Variants in UNK observed in about 807,000 individuals in gnomAD.
UNK encodes unk zinc finger.
UNK carries 32 observed loss-of-function variants against 97.6 expected under a neutral mutation model. The observed-to-expected ratio is 0.33, with a 90% CI of 0.25 to 0.44. The LOEUF (loss-of-function observed/expected upper bound fraction) is 0.44, where lower values mean the gene tolerates loss of function less well. Among genes scored for constraint, UNK ranks in the 20% least tolerant of loss-of-function variants. The pLI is 1.00. For synonymous variants in UNK, 441 were observed against 461.2 expected, an observed-to-expected ratio of 0.96 and a Z score of 0.56; for missense variants, 771 against 1,098.4, an observed-to-expected ratio of 0.70 and a Z score of 4.21.
intron 5 of UNK, 25 bp downstream of exon 5, chr17:75,813,238 C>T: frequency 6.4e-7 from 1 of 1,559,582 alleles, no homozygotes; most frequent in Non-Finnish European, 8.7e-7. Context: ...GGAGGCCAGC[C>T]ACGGGAGGGA....
rs895766729 is a variant in UNK, at chr17:75,794,004, G to A, written c.104+9020G>A. On this transcript the variant is annotated intron_variant, in intron 1 of 15. Transcript: ENST00000589666. ...CTGATGTCACTTTTACTGTTAAGAG[G>A]TGCCAGGCATCTGGTGACCTGTCAC... The A allele has an allele frequency of 7.1e-6, 7 of 985,150 alleles. No homozygotes were observed. The African/African-American group carries it at 1.2e-4, about 17-fold the overall frequency. The allele number at this position is 985,150 out of a possible 1,614,324, so 61.0% of individuals were successfully genotyped here.
chr17:75,801,913 G>T (rs1024646679), intron 1 of UNK, among the ~76,000 whole-genome samples: 10 of 150,744 alleles, frequency 6.6e-5, no homozygotes, highest in Non-Finnish European at 1.5e-4. Flanking sequence ...ACAGTGGTGC[G>T]CTCAGCTCAT....
rs1295899293 is a variant in UNK, at chr17:75,817,965, AG to A, written c.1306-133del. ...AGGGAGTAGGGGGTGGGGAGGAAGAAGGGGGTGTGTGCATGCATGTGAAGAG... is the reference window on the plus strand; with the variant it reads ...AGGGAGTAGGGGGTGGGGAGGAAGAAGGGGTGTGTGCATGCATGTGAAGAG... On this transcript the variant is annotated intron_variant, in intron 9 of 15. Coordinates refer to ENST00000589666, the MANE Select transcript of UNK (RefSeq NM_001080419.3). This position sits in a 1 kb window ranked among gnomAD's most constrained non-coding sequence, Gnocchi z 5.8. 2 of 782,806 alleles carry A rather than the reference AG, an allele frequency of 2.6e-6. No homozygotes were observed. Among genetic ancestry groups the A allele is most frequent in the African/African-American group, 1.7e-5 (1 of 58,478 alleles). 48.5% of individuals were successfully genotyped at this position (782,806 alleles called of 1,614,324 possible). A position where few individuals can be genotyped will look rare whatever the true frequency, so the allele number is the denominator to read the frequency against.
At position 75,809,365 on chromosome 17, in the gene UNK, G is replaced by C. The variant is rs1005336750; in HGVS notation, c.105-395G>C. Among the ~76,000 whole-genome samples the C allele has an allele frequency of 3.3e-5, 5 of 152,358 alleles. No individual in the cohort carries two copies. In the Middle Eastern group the frequency reaches 0.01, roughly 311 times the overall value. ...CCTGCAACAACAGGCAGGTGGACCT[G>C]GGTAGCAGAGGCCTGTAGAGTTTGG... On this transcript the variant is annotated intron_variant, in intron 1 of 15. Transcript: ENST00000589666.
At position 75,819,024 on chromosome 17, in the gene UNK, G is replaced by A. The variant is rs2062042235; in HGVS notation, c.1546+208G>A. ...GGACTGACCCTTAGAGCTCCTTTGT[G>A]CAAATTAGAAAGAGGTGCCTTTTCC... On this transcript the variant is annotated intron_variant, in intron 11 of 15. Coordinates refer to ENST00000589666, the MANE Select transcript of UNK (RefSeq NM_001080419.3). This position sits in a 1 kb window ranked among gnomAD's most constrained non-coding sequence, Gnocchi z 5.4. 1 of 533,132 alleles carries A rather than the reference G, an allele frequency of 1.9e-6. No individual in the cohort carries two copies. Among genetic ancestry groups the A allele is most frequent in the South Asian group, 3.6e-5 (1 of 27,914 alleles). 33.0% of individuals were successfully genotyped at this position (533,132 alleles called of 1,614,324 possible). A position where few individuals can be genotyped will look rare whatever the true frequency, so the allele number is the denominator to read the frequency against.
At chr17:75,806,760 G>T (rs756948173) in intron 1 of UNK, among the ~76,000 whole-genome samples, 1 of 152,184 alleles carries the variant, frequency 6.6e-6, no homozygotes, top group Non-Finnish European at 1.5e-5. Context: ...GCAACAGTGT[G>T]AGACTCCGTC....
intron 1 of UNK, among the ~76,000 whole-genome samples, chr17:75,798,284 C>T (rs552002523): frequency 6.6e-5 from 10 of 152,222 alleles, no homozygotes; most frequent in African/African-American, 2.2e-4. Context: ...GTTGGCCAGG[C>T]TGGTCTCGAA....
intron 14 of UNK, 37 bp downstream of exon 14, chr17:75,822,695 C>G: frequency 6.4e-7 from 1 of 1,553,642 alleles, no homozygotes; most frequent in Non-Finnish European, 8.7e-7. Context: ...TCCCCAGTGC[C>G]AGGTGGCATC....
intron 13 of UNK, among the ~76,000 whole-genome samples, chr17:75,820,817 A>T (rs1349202452): frequency 6.6e-6 from 1 of 152,164 alleles, no homozygotes; most frequent in African/African-American, 2.4e-5. Flanking sequence ...AGCTGCAGAC[A>T]CCAGGAGCTC....
rs1168529985 is a variant in UNK, at chr17:75,817,282, T to G, written c.1105-44T>G. On this transcript the variant is annotated intron_variant, in intron 8 of 15. Coordinates refer to ENST00000589666, the MANE Select transcript of UNK (RefSeq NM_001080419.3). The surrounding 1 kb of genome is among the most constrained non-coding windows in gnomAD (Gnocchi z 5.8). ...GTGGAGGATGGGCCACGCACCAGCC[T>G]GCGCTGTGCCCACGGGCCCACTCCC... is the stretch of plus-strand genomic sequence containing the variant. The G allele has an allele frequency of 6.6e-7, 1 of 1,519,626 alleles. No homozygotes were observed. Among genetic ancestry groups the G allele is most frequent in the Non-Finnish European group, 8.8e-7 (1 of 1,131,922 alleles). 94.1% of individuals were successfully genotyped at this position (1,519,626 alleles called of 1,614,324 possible).
Position 75,822,605 on chromosome 17 carries a change from G to A in UNK, c.1966G>A (p.Glu656Lys), listed in dbSNP as rs752774700. The part of the protein sequence containing the change: ...ELARLRQELD[E>K]ANSTIKQWEE... ...GGCCCGACTTCGGCAAGAGCTGGATGAAGCCAACAGCACCATCAAGCAGTG... is the reference window on the plus strand; with the variant it reads ...GGCCCGACTTCGGCAAGAGCTGGATAAAGCCAACAGCACCATCAAGCAGTG... Residue 656 changes from glutamate to lysine, a missense_variant, in exon 14 of 16, where the codon GAA (glutamate) becomes AAA (lysine). Glu to Lys is a moderately conservative substitution (Grantham distance 56, BLOSUM62 1). This residue lies in a region of UNK where 208 missense variants were observed against 257.4 expected (regional missense o/e 0.81). Coordinates refer to ENST00000589666, the MANE Select transcript of UNK (RefSeq NM_001080419.3). 1.3e-5 allele frequency: 21 copies of A among 1,613,400 alleles called. No individual in the cohort carries two copies. Among genetic ancestry groups the A allele is most frequent in the Non-Finnish European group, 1.7e-5 (20 of 1,179,816 alleles).
At position 75,818,512 on chromosome 17, in the gene UNK, T is replaced by G. The variant is rs1242806432; in HGVS notation, c.1372-130T>G. ...GGTGTCGGGTGTGCCGGGGCCCATG[T>G]GGGCATGGGGGCACCCGGACTAGAG... On this transcript the variant is annotated intron_variant, in intron 10 of 15. Coordinates refer to ENST00000589666, the MANE Select transcript of UNK (RefSeq NM_001080419.3). This position sits in a 1 kb window ranked among gnomAD's most constrained non-coding sequence, Gnocchi z 5.1. 4.5e-6 allele frequency: 5 copies of G among 1,106,062 alleles called. No homozygotes were observed. In the African/African-American group the frequency reaches 6.3e-5, roughly 14 times the overall value. 68.5% of individuals were successfully genotyped at this position (1,106,062 alleles called of 1,614,324 possible).
chr17:75,791,029 A>G (rs1206527061), intron 1 of UNK, among the ~76,000 whole-genome samples: 4 of 152,202 alleles, frequency 2.6e-5, no homozygotes, highest in Admixed American at 1.3e-4. Flanking sequence ...GAGGAAGTAT[A>G]CCTCAAAGAC....
Position 75,818,913 on chromosome 17 carries a change from C to CT in UNK, c.1546+99dup. The CT allele has an allele frequency of 1.5e-6, 2 of 1,351,340 alleles. No homozygotes were observed. Among genetic ancestry groups the CT allele is most frequent in the Non-Finnish European group, 2.0e-6 (2 of 1,022,318 alleles). The allele number at this position is 1,351,340 out of a possible 1,614,324, so 83.7% of individuals were successfully genotyped here. A position where few individuals can be genotyped will look rare whatever the true frequency, so the allele number is the denominator to read the frequency against. On this transcript the variant is annotated intron_variant, in intron 11 of 15. Coordinates refer to ENST00000589666, the MANE Select transcript of UNK (RefSeq NM_001080419.3). The surrounding 1 kb of genome is among the most constrained non-coding windows in gnomAD (Gnocchi z 5.1). ...AGTCTCAAATCAGCACACCAGACCC[C>CT]TTAGACATCTGTCTTCGGAAAATCA... is the stretch of plus-strand genomic sequence containing the variant.
rs1041250357 is a variant in UNK, at chr17:75,806,644, G to A, written c.105-3116G>A. Among the ~76,000 whole-genome samples, 6 of 151,744 alleles carry A rather than the reference G, an allele frequency of 4.0e-5. No individual in the cohort carries two copies. The South Asian group carries it at 6.2e-4, about 16-fold the overall frequency. ...AAACATTAGCTGGGCGTGGTGGCGG[G>A]TGCCTGTAATCCCAGCTACTAGGGA... is the stretch of plus-strand genomic sequence containing the variant. On this transcript the variant is annotated intron_variant, in intron 1 of 15. Transcript: ENST00000589666.
intron 13 of UNK, 101 bp downstream of exon 13, chr17:75,820,209 G>A: frequency 7.6e-7 from 1 of 1,313,194 alleles, no homozygotes; most frequent in Non-Finnish European, 1.0e-6. Flanking sequence ...GCTAGGCTGG[G>A]GGTTAGGGCA....
intron 1 of UNK, among the ~76,000 whole-genome samples, chr17:75,804,412 G>A (rs1302829919): frequency 6.6e-6 from 1 of 152,086 alleles, no homozygotes; most frequent in Admixed American, 6.5e-5. Flanking sequence ...CTGAGATCAC[G>A]CTGCTGCACT....
In UNK at chr17:75,819,674, C is replaced by T; in HGVS notation, c.1547-10C>T. Reference sequence around the variant, plus strand: ...TCGGGAGGTCACATCCCACTCTTCTCTGTCCCTAGAGTCTGCTTTGGATGA... The same window carrying T: ...TCGGGAGGTCACATCCCACTCTTCTTTGTCCCTAGAGTCTGCTTTGGATGA... On this transcript the variant is annotated splice_polypyrimidine_tract_variant and intron_variant, in intron 11 of 15. Transcript: ENST00000589666. This position sits in a 1 kb window ranked among gnomAD's most constrained non-coding sequence, Gnocchi z 5.4. 6.2e-7 allele frequency: 1 copy of T among 1,613,710 alleles called. No individual in the cohort carries two copies. The highest frequency in any genetic ancestry group is 1.6e-4 in the Middle Eastern group (1 of 6,062).
chr17:75,819,361 C>T lies in UNK; in HGVS notation c.1547-323C>T, dbSNP rs1006413995. 10 of 379,634 alleles carry T rather than the reference C, an allele frequency of 2.6e-5. No homozygotes were observed. Among genetic ancestry groups the T allele is most frequent in the South Asian group, 8.6e-5 (3 of 35,058 alleles). 23.5% of individuals were successfully genotyped at this position (379,634 alleles called of 1,614,324 possible). On this transcript the variant is annotated intron_variant, in intron 11 of 15. Coordinates refer to ENST00000589666, the MANE Select transcript of UNK (RefSeq NM_001080419.3). This position sits in a 1 kb window ranked among gnomAD's most constrained non-coding sequence, Gnocchi z 5.4. ...GAGACCCGCCCACCCCCACTGATCC[C>T]GGGGCTGAGACCCTTGAGTTGTAAC...
Sources: allele counts gnomAD v4.1 joint callset (sites outside exome capture counted in the v4.1 genomes callset), GRCh38; gene constraint gnomAD v4.1.1; regional missense constraint gnomAD v4.1.1; non-coding constraint Gnocchi (gnomAD v3.1); transcripts MANE v1.5; gene names NCBI Gene and HGNC (gene_info 2026-07-23, HGNC 2026-07-21).